The following ATRNL1 variants were observed in gnomAD, a reference collection of about 807,000 sequenced individuals.
The protein encoded by ATRNL1 is attractin-like protein 1.
A neutral mutation model predicts 182.7 loss-of-function variants in ATRNL1; 95 were observed. The ratio of observed to expected loss-of-function variants is 0.52; its 90% CI spans 0.44 to 0.62. The LOEUF (loss-of-function observed/expected upper bound fraction) is 0.62, where lower values mean the gene tolerates loss of function less well. Among genes scored for constraint, ATRNL1 ranks in the 20% least tolerant of loss-of-function variants. ATRNL1 has a pLI of 0.00. For missense variants in ATRNL1, 1,471 were observed against 1,679.5 expected, an observed-to-expected ratio of 0.88 and a Z score of 2.17; for synonymous variants, 576 against 568.3, an observed-to-expected ratio of 1.01 and a Z score of -0.19.
At chr10:115,881,327 G>A (rs1317672127) in intron 28 of ATRNL1, among the ~76,000 whole-genome samples, 1 of 152,164 alleles carries the variant, frequency 6.6e-6, no homozygotes, top group Non-Finnish European at 1.5e-5. Flanking sequence ...CCGGTGCCCA[G>A]CCCTTAGCCA....
intron 1 of ATRNL1, among the ~76,000 whole-genome samples, chr10:115,118,209 A>C (rs1255029688): frequency 1.3e-5 from 2 of 151,942 alleles, no homozygotes; most frequent in African/African-American, 2.4e-5. Flanking sequence ...ACTTGATGTG[A>C]TCCCATTTGT....
At chr10:115,458,185 C>A (rs1554969093) in intron 21 of ATRNL1, among the ~76,000 whole-genome samples, 1 of 152,086 alleles carries the variant, frequency 6.6e-6, no homozygotes, top group Non-Finnish European at 1.5e-5. Flanking sequence ...GAGCATATTT[C>A]AGCATTAAGT....
chr10:115,261,265 T>G (rs563469840), intron 10 of ATRNL1, among the ~76,000 whole-genome samples: 1 of 152,240 alleles, frequency 6.6e-6, no homozygotes, highest in South Asian at 2.1e-4. Context: ...TAGAGTGAAA[T>G]AAAATTATTT....
At chr10:115,618,105 T>C (rs782192720) in intron 26 of ATRNL1, among the ~76,000 whole-genome samples, 1 of 152,208 alleles carries the variant, frequency 6.6e-6, no homozygotes, top group East Asian at 1.9e-4. Flanking sequence ...TGAGCAGATG[T>C]TGTCATGCTT....
At chr10:115,854,581 C>T (rs1411922500) in intron 28 of ATRNL1, among the ~76,000 whole-genome samples, 2 of 152,210 alleles carry the variant, frequency 1.3e-5, no homozygotes, top group Non-Finnish European at 2.9e-5. Context: ...ACCTGCTGAG[C>T]AGCAGCATCT....
At chr10:115,830,739 C>T (rs150865660) in intron 27 of ATRNL1, among the ~76,000 whole-genome samples, 3 of 152,258 alleles carry the variant, frequency 2.0e-5, no homozygotes, top group South Asian at 2.1e-4. Flanking sequence ...CTGTCACAAT[C>T]GAGCTTTTCC....
At chr10:115,448,159 T>A (rs1467963695) in intron 21 of ATRNL1, among the ~76,000 whole-genome samples, 1 of 152,286 alleles carries the variant, frequency 6.6e-6, no homozygotes, top group East Asian at 1.9e-4. Flanking sequence ...TAATTTTTTG[T>A]TCATTATTGA....
intron 3 of ATRNL1, among the ~76,000 whole-genome samples, chr10:115,122,594 A>G (rs1554872076): frequency 6.6e-6 from 1 of 152,042 alleles, no homozygotes; most frequent in South Asian, 2.1e-4. Context: ...TGGTCCCTTC[A>G]AAATATTTTC....
At chr10:115,630,396 T>G (rs1242297213) in intron 26 of ATRNL1, among the ~76,000 whole-genome samples, 1 of 151,932 alleles carries the variant, frequency 6.6e-6, no homozygotes, top group Non-Finnish European at 1.5e-5. Flanking sequence ...AAGGGAAACT[T>G]TAAGCACTGT....
Position 115,732,482 on chromosome 10 carries a change from G to T in ATRNL1, c.3903+5127G>T, listed in dbSNP as rs191876192. Reference sequence around the variant, plus strand: ...TTTCAACTTCCTAGGTCTTGGGAATGATCAAAATGTTTAAATTGAGGTTAA... The same window carrying T: ...TTTCAACTTCCTAGGTCTTGGGAATTATCAAAATGTTTAAATTGAGGTTAA... On this transcript the variant is annotated intron_variant, in intron 27 of 28. Transcript: ENST00000355044. Among the ~76,000 whole-genome samples the T allele has an allele frequency of 1.9e-3, 294 of 152,284 alleles. 1 individual carries two copies. Among genetic ancestry groups the T allele is most frequent in the African/African-American group, 6.3e-3 (261 of 41,556 alleles).
intron 26 of ATRNL1, among the ~76,000 whole-genome samples, chr10:115,632,277 C>T (rs371477266): frequency 6.6e-6 from 1 of 152,022 alleles, no homozygotes; most frequent in Non-Finnish European, 1.5e-5. Context: ...ATGAGGTTGG[C>T]ACTGAAAAGG....
intron 26 of ATRNL1, among the ~76,000 whole-genome samples, chr10:115,698,225 A>G (rs7067647): frequency 0.35 from 53,465 of 151,974 alleles, 10,943 homozygotes; most frequent in East Asian, 0.65. Context: ...AATGCTCATG[A>G]AACTAGTTAA....
At chr10:115,646,550 A>C (rs1859625534) in intron 26 of ATRNL1, among the ~76,000 whole-genome samples, 2 of 152,094 alleles carry the variant, frequency 1.3e-5, no homozygotes. Context: ...GCTGCATTTC[A>C]GCAACAGGAA....
intron 17 of ATRNL1, among the ~76,000 whole-genome samples, chr10:115,306,871 A>T (rs1348317562): frequency 2.6e-5 from 4 of 151,932 alleles, no homozygotes; most frequent in African/African-American, 9.7e-5. Flanking sequence ...GTTGTAACTG[A>T]TTTTTTTTGA....
intron 24 of ATRNL1, among the ~76,000 whole-genome samples, chr10:115,510,195 G>T (rs560468639): frequency 6.6e-6 from 1 of 152,140 alleles, no homozygotes; most frequent in South Asian, 2.1e-4. Context: ...TGGTGAAGAT[G>T]CTGTGAACAT....
chr10:115,504,031 T>G (rs1849982760), intron 24 of ATRNL1, among the ~76,000 whole-genome samples: 1 of 151,976 alleles, frequency 6.6e-6, no homozygotes, highest in Non-Finnish European at 1.5e-5. Flanking sequence ...GAAAGAATGT[T>G]TTTATACAAA....
intron 28 of ATRNL1, among the ~76,000 whole-genome samples, chr10:115,943,286 G>T (rs1252270898): frequency 1.3e-5 from 2 of 152,150 alleles, no homozygotes; most frequent in African/African-American, 4.8e-5. Context: ...ATAAAGAACT[G>T]ATATCCAAAA....
chr10:115,387,138 A>T (rs1229393189), intron 19 of ATRNL1, among the ~76,000 whole-genome samples: 3 of 152,054 alleles, frequency 2.0e-5, no homozygotes, highest in Non-Finnish European at 4.4e-5. Flanking sequence ...AGGGACATGG[A>T]TGAAATTGGA....
intron 26 of ATRNL1, among the ~76,000 whole-genome samples, chr10:115,591,593 C>T (rs1157018749): frequency 3.9e-5 from 6 of 152,150 alleles, no homozygotes; most frequent in African/African-American, 1.2e-4. Flanking sequence ...AATTTTTGTT[C>T]AGGAAGCTCT....
Sources: allele counts gnomAD v4.1 joint callset (sites outside exome capture counted in the v4.1 genomes callset), GRCh38; gene constraint gnomAD v4.1.1; transcripts MANE v1.5; gene names NCBI Gene and HGNC (gene_info 2026-07-23, HGNC 2026-07-21).